PTK7: variants seen among roughly 807,000 people sequenced by gnomAD.
PTK7 encodes the protein inactive tyrosine-protein kinase 7.
PTK7 carries 39 observed loss-of-function variants against 116.6 expected under a neutral mutation model. The observed-to-expected ratio is 0.33, with a 90% confidence interval of 0.26 to 0.44. The LOEUF (loss-of-function observed/expected upper bound fraction) is 0.44. Ranked by LOEUF, PTK7 falls within the 20% of genes least tolerant of loss-of-function variation. The pLI, the probability that PTK7 is intolerant of heterozygous loss-of-function variation, is 1.00. For synonymous variants in PTK7, 546 were observed against 563.6 expected, an observed-to-expected ratio of 0.97 and a Z score of 0.44; for missense variants, 1,169 against 1,425.6, an observed-to-expected ratio of 0.82 and a Z score of 2.90.
Position 43,159,782 on chromosome 6 carries a change from C to T in PTK7, c.2874-6C>T. ...ACCTCACCCCTGGGTTGCTTCTCTC[C>T]TGCAGTGAGTACTACCACTTCCGCC... is the stretch of plus-strand genomic sequence containing the variant. On this transcript the variant is annotated splice_region_variant and splice_polypyrimidine_tract_variant and intron_variant, in intron 18 of 19. Transcript: ENST00000230419. 2 of 1,614,168 alleles carry T rather than the reference C, an allele frequency of 1.2e-6. No individual in the cohort carries two copies. Among genetic ancestry groups the T allele is most frequent in the Non-Finnish European group, 1.7e-6 (2 of 1,180,028 alleles).
In PTK7 at chr6:43,129,791, C is replaced by G. The variant is rs373247020; in HGVS notation, c.432C>G (p.Thr144=). 14 of 1,614,096 alleles carry G rather than the reference C, an allele frequency of 8.7e-6. No homozygotes were observed. The highest frequency in any genetic ancestry group is 2.7e-5 in the African/African-American group (2 of 74,942). ...PASEAEIQPQ[T]QVTLRCHIDG... ...CGGAAGCTGAGATCCAGCCACAGAC[C>G]CAGGTCACACTTCGTTGCCACATTG... The change falls in exon 3 of 20, where the codon ACC becomes ACG. Residue 144 remains threonine (T), a synonymous_variant. Coordinates refer to ENST00000230419, the MANE Select transcript of PTK7 (RefSeq NM_002821.5). This position sits in a 1 kb window ranked among gnomAD's most constrained non-coding sequence, Gnocchi z 4.5.
intron 17 of PTK7, among the ~76,000 whole-genome samples, chr6:43,153,065 T>C (rs1009736061): frequency 6.6e-6 from 1 of 151,494 alleles, no homozygotes; most frequent in African/African-American, 2.4e-5. Flanking sequence ...GGATTACAAG[T>C]GTGAGCCACC....
At chr6:43,158,682 A>G (rs1157913267) in intron 17 of PTK7, 135 bp from the exon 18 acceptor site, 1 of 896,690 alleles carries the variant, frequency 1.1e-6, no homozygotes, top group African/African-American at 1.7e-5. Context: ...CAGAGAAGGA[A>G]GCTGAGGCTG....
intron 1 of PTK7, among the ~76,000 whole-genome samples, chr6:43,081,485 A>C (rs935881347): frequency 6.6e-6 from 1 of 151,648 alleles, no homozygotes; most frequent in East Asian, 1.9e-4. Flanking sequence ...GTTCACTGCA[A>C]CCTCTACCTC....
chr6:43,130,746 A>G (rs1769621303), intron 5 of PTK7, 85 bp downstream of exon 5: 3 of 1,514,972 alleles, frequency 2.0e-6, no homozygotes, highest in Non-Finnish European at 2.7e-6. Context: ...TATCACAGAC[A>G]TCACAGATTT....
At chr6:43,110,453 C>A (rs1265539293) in intron 1 of PTK7, among the ~76,000 whole-genome samples, 3 of 151,776 alleles carry the variant, frequency 2.0e-5, no homozygotes, top group Non-Finnish European at 4.4e-5. Flanking sequence ...GCTCTTAGTG[C>A]CCAGGCTGGA....
chr6:43,148,450 T>C (rs541562929), intron 17 of PTK7, among the ~76,000 whole-genome samples: 1 of 152,324 alleles, frequency 6.6e-6, no homozygotes, highest in East Asian at 1.9e-4. Flanking sequence ...CAAAGAAGTC[T>C]TCCTAGTAGA....
At chr6:43,118,514 T>C (rs1025860983) in intron 1 of PTK7, among the ~76,000 whole-genome samples, 5 of 151,472 alleles carry the variant, frequency 3.3e-5, no homozygotes, top group Non-Finnish European at 5.9e-5. Flanking sequence ...CCAGCCTGGA[T>C]GACAGAGTGA....
At chr6:43,152,045 C>T (rs943917990) in intron 17 of PTK7, among the ~76,000 whole-genome samples, 10 of 150,020 alleles carry the variant, frequency 6.7e-5, no homozygotes, top group African/African-American at 2.5e-4. Flanking sequence ...GACGGGGTTT[C>T]ATCATGTTAG....
chr6:43,088,031 T>A lies in PTK7; in HGVS notation c.79+11464T>A, dbSNP rs369249298. On this transcript the variant is annotated intron_variant, in intron 1 of 19. Transcript: ENST00000230419. ...AATAGGGCTGAAGCCAGTGTGGTGG[T>A]TCACACCTGTAATCCTAGCACTTTG... Among the ~76,000 whole-genome samples, 12 of 152,296 alleles carry A rather than the reference T, an allele frequency of 7.9e-5. No homozygotes were observed. In the East Asian group the frequency reaches 1.9e-3, roughly 25 times the overall value.
intron 17 of PTK7, among the ~76,000 whole-genome samples, chr6:43,153,011 C>A (rs1036989027): frequency 6.6e-6 from 1 of 152,098 alleles, no homozygotes; most frequent in Admixed American, 6.6e-5. Context: ...GTCTCGAACT[C>A]CTGACCTCAA....
chr6:43,103,971 T>C (rs185825084), intron 1 of PTK7, among the ~76,000 whole-genome samples: 1 of 152,232 alleles, frequency 6.6e-6, no homozygotes, highest in Non-Finnish European at 1.5e-5. Context: ...TCTCAAATCA[T>C]GTGCAAACAC....
At chr6:43,100,154 CG>C (rs1561941971) in intron 1 of PTK7, among the ~76,000 whole-genome samples, 1 of 151,988 alleles carries the variant, frequency 6.6e-6, no homozygotes, top group Admixed American at 6.6e-5. Context: ...GAGGCTGAGA[CG>C]GGCGGATCAC....
chr6:43,122,902 C>T lies in PTK7; in HGVS notation c.80-6075C>T, dbSNP rs186971500. ...GATTACAGGCATGAGCCACCGCACC[C>T]GGCCAAAGGACTGAGTCTTTAGTGT... On this transcript the variant is annotated intron_variant, in intron 1 of 19. Transcript: ENST00000230419. Among the ~76,000 whole-genome samples the T allele has an allele frequency of 4.5e-4, 69 of 151,826 alleles. No individual in the cohort carries two copies. In the East Asian group the frequency reaches 0.012, roughly 26 times the overall value.
chr6:43,093,526 G>A (rs914402917), intron 1 of PTK7, among the ~76,000 whole-genome samples: 3 of 152,188 alleles, frequency 2.0e-5, no homozygotes, highest in African/African-American at 7.2e-5. Context: ...CTCAGAGGAT[G>A]GAGACCTGGG....
rs900560832 is a variant in PTK7, at chr6:43,143,777, G to C, written c.2251+157G>C. On this transcript the variant is annotated intron_variant, in intron 14 of 19. Transcript: ENST00000230419. The surrounding 1 kb of genome is among the most constrained non-coding windows in gnomAD (Gnocchi z 4.2). ...CACCCCTAGCGGGAAGCCTGGAGTT[G>C]GATTCCCAGGGCCTCGTCTTCTGAG... 1.3e-5 allele frequency among the ~76,000 whole-genome samples: 2 copies of C among 152,204 alleles called. No individual in the cohort carries two copies. Among genetic ancestry groups the C allele is most frequent in the Non-Finnish European group, 2.9e-5 (2 of 68,026 alleles).
intron 1 of PTK7, among the ~76,000 whole-genome samples, chr6:43,106,150 C>T (rs1767876322): frequency 6.6e-6 from 1 of 151,822 alleles, no homozygotes; most frequent in African/African-American, 2.4e-5. Flanking sequence ...TCCTTTGCCT[C>T]CTTGCCCCAA....
intron 10 of PTK7, among the ~76,000 whole-genome samples, chr6:43,140,142 G>A (rs545524265): frequency 6.7e-6 from 1 of 149,946 alleles, no homozygotes; most frequent in African/African-American, 2.5e-5. Context: ...AAGTTACATG[G>A]GCTCCTTTAC....
chr6:43,095,725 TC>T (rs1030343735), intron 1 of PTK7, among the ~76,000 whole-genome samples: 2 of 152,198 alleles, frequency 1.3e-5, no homozygotes, highest in Admixed American at 1.3e-4. Flanking sequence ...GAAATGTTCT[TC>T]CTGATTGTTT....
Sources: gnomAD v4.1 joint callset for allele counts (sites outside exome capture counted in the v4.1 genomes callset) on GRCh38, gnomAD v4.1.1 for gene constraint, Gnocchi (gnomAD v3.1) non-coding constraint, MANE v1.5 for transcripts, NCBI Gene and HGNC (gene_info 2026-07-23, HGNC 2026-07-21) for gene names.